Variants in CFAP44 observed in about 807,000 individuals in gnomAD.
CFAP44 encodes the protein cilia- and flagella-associated protein 44.
CFAP44 carries 134 observed loss-of-function variants against 216.2 expected under a neutral mutation model. The observed-to-expected ratio is 0.62, with a 90% CI of 0.54 to 0.72. The LOEUF (loss-of-function observed/expected upper bound fraction) is 0.72, where lower values mean the gene tolerates loss of function less well. Among genes scored for constraint, CFAP44 ranks in the 30% least tolerant of loss-of-function variants. The pLI, the probability that CFAP44 is intolerant of heterozygous loss-of-function variation, is 0.00. For missense variants in CFAP44, 2,035 were observed against 2,182.1 expected, an observed-to-expected ratio of 0.93 and a Z score of 1.34; for synonymous variants, 700 against 727.6, an observed-to-expected ratio of 0.96 and a Z score of 0.61.
At chr3:113,339,589 G>GTAA (rs1407916774) in intron 24 of CFAP44, among the ~76,000 whole-genome samples, 1 of 152,192 alleles carries the variant, frequency 6.6e-6, no homozygotes, top group Non-Finnish European at 1.5e-5. Flanking sequence ...TGGGGTGAGA[G>GTAA]GTTTACTCCG....
chr3:113,343,255 G>T (rs758277154), intron 23 of CFAP44, among the ~76,000 whole-genome samples: 1 of 151,766 alleles, frequency 6.6e-6, no homozygotes, highest in Non-Finnish European at 1.5e-5. Flanking sequence ...TAGAGATGGG[G>T]TTTCACCATG....
chr3:113,337,928 A>G (rs956349667), intron 24 of CFAP44, among the ~76,000 whole-genome samples: 3 of 152,186 alleles, frequency 2.0e-5, no homozygotes, highest in Non-Finnish European at 2.9e-5. Context: ...GGTAAGTTGG[A>G]CATCAACTAA....
rs1282560795 is a variant in CFAP44, at chr3:113,327,614, A to G, written c.4320+2T>C. On this transcript the variant is annotated splice_donor_variant, in intron 27 of 34. Coordinates refer to ENST00000393845, the MANE Select transcript of CFAP44 (RefSeq NM_001164496.2). LOFTEE classifies it high-confidence loss of function. ...AGCTAGGATTCTTCTGCCCACTCAT[A>G]CTTGCATGTACTGTTCCTCTTTGTC... 1 of 1,534,308 alleles carries G rather than the reference A, an allele frequency of 6.5e-7. No homozygotes were observed. The highest frequency in any genetic ancestry group is 1.4e-5 in the African/African-American group (1 of 73,078).
rs546769236 is a variant in CFAP44 at position 113,338,456 on chromosome 3, A to G, written c.3437+3288T>C. On this transcript the variant is annotated intron_variant, in intron 24 of 34. Coordinates refer to ENST00000393845, the MANE Select transcript of CFAP44 (RefSeq NM_001164496.2). ...CGAACAATCCTATTCAAATGTGAGA[A>G]AAAGACACGAAGAGTCATGTCACTA... 1.1e-4 allele frequency among the ~76,000 whole-genome samples: 17 copies of G among 152,288 alleles called. No individual in the cohort carries two copies. In the South Asian group the frequency reaches 3.3e-3, roughly 30 times the overall value.
At chr3:113,334,602 G>C (rs1399299307) in intron 24 of CFAP44, among the ~76,000 whole-genome samples, 1 of 151,940 alleles carries the variant, frequency 6.6e-6, no homozygotes, top group East Asian at 1.9e-4. Context: ...CAAGCACAAA[G>C]AGGACAGGTA....
At chr3:113,406,770 A>G (rs1230303773) in intron 8 of CFAP44, among the ~76,000 whole-genome samples, 157 bp downstream of exon 8, 1 of 152,234 alleles carries the variant, frequency 6.6e-6, no homozygotes, top group African/African-American at 2.4e-5. Context: ...AAATATTTTA[A>G]TTACAATTGA....
In CFAP44 at chr3:113,410,490, A is replaced by G. The variant is rs573165565; in HGVS notation, c.674-1168T>C. Among the ~76,000 whole-genome samples the G allele has an allele frequency of 7.0e-4, 107 of 152,174 alleles. 1 individual carries two copies. Among genetic ancestry groups the G allele is most frequent in the African/African-American group, 2.5e-3 (104 of 41,496 alleles). The stretch of plus-strand genomic sequence containing the variant: ...AAAGGACATGAACTCATCCTTTTTT[A>G]TGGCTGCATAGTATTCCATGGTTAT... On this transcript the variant is annotated intron_variant, in intron 6 of 34. Transcript: ENST00000393845.
In CFAP44 at chr3:113,399,241, C is replaced by T. The variant is rs1372033439; in HGVS notation, c.1569+665G>A. Among the ~76,000 whole-genome samples the T allele has an allele frequency of 6.6e-5, 10 of 152,156 alleles. No homozygotes were observed. The East Asian group carries it at 1.9e-3, about 29-fold the overall frequency. Reference sequence around the variant, plus strand: ...CATTCATGTCTTCCCAGCTGAGTTCCCAGACACTCTGAAGCAGAGACAATC... The same window carrying T: ...CATTCATGTCTTCCCAGCTGAGTTCTCAGACACTCTGAAGCAGAGACAATC... On this transcript the variant is annotated intron_variant, in intron 13 of 34. Transcript: ENST00000393845.
chr3:113,360,308 GAA>G (rs1221829915), intron 21 of CFAP44: 2 of 209,868 alleles, frequency 9.5e-6, no homozygotes, highest in African/African-American at 4.6e-5. Flanking sequence ...TATTATTGTA[GAA>G]ACATGTAGAT....
At chr3:113,336,273 CA>C (rs1300658422) in intron 24 of CFAP44, among the ~76,000 whole-genome samples, 3 of 151,758 alleles carry the variant, frequency 2.0e-5, no homozygotes, top group Non-Finnish European at 4.4e-5. Flanking sequence ...AATCTATGAC[CA>C]AAAGCTAGTT....
intron 15 of CFAP44, among the ~76,000 whole-genome samples, chr3:113,389,903 T>G (rs1335982920): frequency 6.6e-6 from 1 of 152,078 alleles, no homozygotes. Context: ...ACCCAATGGC[T>G]TCACTGTTGA....
intron 6 of CFAP44, among the ~76,000 whole-genome samples, chr3:113,413,863 G>C (rs1253635897): frequency 1.3e-5 from 2 of 152,152 alleles, no homozygotes; most frequent in Admixed American, 1.3e-4. Context: ...GATTCCACGT[G>C]AAACTTAAAA....
chr3:113,388,134 A>T (rs1416182578), intron 15 of CFAP44, among the ~76,000 whole-genome samples: 1 of 152,084 alleles, frequency 6.6e-6, no homozygotes, highest in African/African-American at 2.4e-5. Flanking sequence ...AGGGAATACA[A>T]GCCTGGCTGG....
At chr3:113,427,056 G>T in intron 3 of CFAP44, 131 bp downstream of exon 3, 1 of 1,004,672 alleles carries the variant, frequency 1.0e-6, no homozygotes, top group Non-Finnish European at 1.5e-6. Flanking sequence ...ATATGTACTT[G>T]TCCTTTTATC....
At chr3:113,341,347 A>ATT (rs11378094) in intron 24 of CFAP44, among the ~76,000 whole-genome samples, 6 of 149,346 alleles carry the variant, frequency 4.0e-5, no homozygotes, top group East Asian at 2.0e-4. Flanking sequence ...TCAATACTGG[A>ATT]TTTTTTTTTT....
At chr3:113,440,501 G>T (rs2107427053) in intron 1 of CFAP44, among the ~76,000 whole-genome samples, 1 of 152,218 alleles carries the variant, frequency 6.6e-6, no homozygotes, top group Middle Eastern at 3.4e-3. Context: ...CCTGTTACTT[G>T]GTGTCCAGTG....
chr3:113,363,625 G>A (rs1221544149), intron 19 of CFAP44, 93 bp from the exon 20 acceptor site: 14 of 1,160,446 alleles, frequency 1.2e-5, no homozygotes, highest in Non-Finnish European at 1.5e-5. Context: ...ACTCAAATTG[G>A]TTCGGTTTTC....
chr3:113,401,871 T>A, intron 9 of CFAP44, 132 bp from the exon 10 acceptor site: 2 of 998,418 alleles, frequency 2.0e-6, no homozygotes, highest in Non-Finnish European at 2.8e-6. Flanking sequence ...AATGAACAAG[T>A]GTGATAAGAA....
At chr3:113,374,733 C>T (rs970906427) in intron 17 of CFAP44, among the ~76,000 whole-genome samples, 1 of 152,204 alleles carries the variant, frequency 6.6e-6, no homozygotes, top group Non-Finnish European at 1.5e-5. Context: ...CTCCCAAGTT[C>T]AAGCAATTCT....
Sources: allele counts gnomAD v4.1 joint callset (sites outside exome capture counted in the v4.1 genomes callset), GRCh38; gene constraint gnomAD v4.1.1; transcripts MANE v1.5; gene names NCBI Gene and HGNC (gene_info 2026-07-23, HGNC 2026-07-21).